Variants in PRR16 observed in about 807,000 individuals in gnomAD.
PRR16 encodes the protein proline rich 16, also known as protein Largen.
PRR16 carries 6 observed loss-of-function variants against 18.2 expected under a neutral mutation model. The observed-to-expected ratio is 0.33, with a 90% CI of 0.18 to 0.65. The LOEUF (loss-of-function observed/expected upper bound fraction) is 0.65. Ranked by LOEUF, PRR16 falls within the 30% of genes least tolerant of loss-of-function variation. The probability of loss-of-function intolerance (pLI) is 0.74; values close to 1 mark genes in which losing one functional copy is unlikely to be tolerated. For missense variants in PRR16, 412 were observed against 376.6 expected (o/e 1.09, Z -0.78); for synonymous variants, 151 against 147.8 (o/e 1.02, Z -0.16).
intron 1 of PRR16, among the ~76,000 whole-genome samples, chr5:120,490,186 T>G (rs1230736793): frequency 6.6e-6 from 1 of 152,312 alleles, no homozygotes; most frequent in African/African-American, 2.4e-5. Flanking sequence ...TGCCTGAATC[T>G]GAACGTTGGC....
intron 1 of PRR16, among the ~76,000 whole-genome samples, chr5:120,550,801 A>G (rs1417606014): frequency 5.3e-5 from 8 of 152,022 alleles, no homozygotes; most frequent in Non-Finnish European, 7.4e-5. Context: ...CAGTGTGCCT[A>G]AAGCAGGGAA....
chr5:120,537,625 A>G (rs1167907166), intron 1 of PRR16, among the ~76,000 whole-genome samples: 1 of 148,168 alleles, frequency 6.7e-6, no homozygotes, highest in Non-Finnish European at 1.5e-5. Context: ...GCAAGATTAC[A>G]GAATTACCTT....
intron 1 of PRR16, among the ~76,000 whole-genome samples, chr5:120,676,003 CT>C (rs1455209080): frequency 3.9e-5 from 6 of 152,108 alleles, no homozygotes; most frequent in Non-Finnish European, 8.8e-5. Context: ...CCACCTTACT[CT>C]ATTTCCAAAA....
chr5:120,678,605 G>C (rs1756879599), intron 1 of PRR16, among the ~76,000 whole-genome samples: 1 of 152,126 alleles, frequency 6.6e-6, no homozygotes, highest in Non-Finnish European at 1.5e-5. Context: ...AGCAGAGTAG[G>C]AGCTTAGGAA....
chr5:120,575,318 AACACAC>A (rs3047956), intron 1 of PRR16, among the ~76,000 whole-genome samples: 7 of 138,254 alleles, frequency 5.1e-5, no homozygotes, highest in South Asian at 4.8e-4. Context: ...CAGACAAGGA[AACACAC>A]ACACACACAC....
At chr5:120,500,044 G>A (rs1163221328) in intron 1 of PRR16, among the ~76,000 whole-genome samples, 2 of 151,356 alleles carry the variant, frequency 1.3e-5, no homozygotes, top group Admixed American at 1.3e-4. Context: ...CTGATACCAT[G>A]CCAATGTGGA....
the PRR16 span, among the ~76,000 whole-genome samples, chr5:120,747,251 T>C: frequency 1.3e-5 from 2 of 152,188 alleles, no homozygotes; most frequent in Non-Finnish European, 2.9e-5. Flanking sequence ...TGAGGAGATT[T>C]ACGTTTAACA....
intron 1 of PRR16, among the ~76,000 whole-genome samples, chr5:120,546,392 C>T (rs1445969113): frequency 2.0e-5 from 3 of 152,078 alleles, no homozygotes; most frequent in Non-Finnish European, 4.4e-5. Flanking sequence ...CACTCAAAGT[C>T]TCTCCCCAGT....
At chr5:120,492,825 C>A (rs1306925553) in intron 1 of PRR16, among the ~76,000 whole-genome samples, 1 of 152,146 alleles carries the variant, frequency 6.6e-6, no homozygotes, top group East Asian at 1.9e-4. Context: ...GTTTTCCATT[C>A]CTGTGTTAGT....
intron 1 of PRR16, among the ~76,000 whole-genome samples, chr5:120,584,097 C>T (rs1253346609): frequency 2.6e-5 from 4 of 151,776 alleles, no homozygotes; most frequent in East Asian, 3.9e-4. Flanking sequence ...GTCTTCTAGG[C>T]GAAGGGAAGC....
At chr5:120,654,400 A>C (rs1755896778) in intron 1 of PRR16, among the ~76,000 whole-genome samples, 1 of 152,022 alleles carries the variant, frequency 6.6e-6, no homozygotes, top group Admixed American at 6.6e-5. Flanking sequence ...TTACTAGGAG[A>C]AGACAAAATT....
chr5:120,789,391 G>A, the PRR16 span, among the ~76,000 whole-genome samples: 1 of 152,018 alleles, frequency 6.6e-6, no homozygotes, highest in Non-Finnish European at 1.5e-5. Flanking sequence ...ATATTTTAAT[G>A]TACTTATTTA....
At chr5:120,790,441 T>C in the PRR16 span, 1 of 152,200 alleles carries the variant, frequency 6.6e-6, no homozygotes, top group African/African-American at 2.4e-5. Context: ...GAATTACACA[T>C]CATTTCAAAA....
At chr5:120,764,777 T>A in the PRR16 span, among the ~76,000 whole-genome samples, 1 of 152,116 alleles carries the variant, frequency 6.6e-6, no homozygotes, top group Admixed American at 6.6e-5. Flanking sequence ...TCAAAGGTAT[T>A]TCATTTCGTA....
At chr5:120,694,295 A>C in the PRR16 span, among the ~76,000 whole-genome samples, 1 of 152,232 alleles carries the variant, frequency 6.6e-6, no homozygotes, top group African/African-American at 2.4e-5. Context: ...TTATCAGGTA[A>C]GCCTAATAAT....
intron 1 of PRR16, among the ~76,000 whole-genome samples, chr5:120,567,872 G>C (rs879515793): frequency 6.6e-6 from 1 of 152,096 alleles, no homozygotes; most frequent in Non-Finnish European, 1.5e-5. Flanking sequence ...CTTTATAGCA[G>C]TGTGAGAACA....
intron 1 of PRR16, among the ~76,000 whole-genome samples, chr5:120,495,033 T>C (rs892560573): frequency 6.6e-6 from 1 of 152,150 alleles, no homozygotes; most frequent in African/African-American, 2.4e-5. Context: ...CTTCCCACTA[T>C]ATTCTTTTTC....
At chr5:120,688,862 G>A (rs529992877), downstream of PRR16, among the ~76,000 whole-genome samples, 1 of 152,162 alleles carries the variant, frequency 6.6e-6, no homozygotes, top group Non-Finnish European at 1.5e-5. Context: ...AGCTGGTTGA[G>A]TAAGGATATT....
At chr5:120,673,988 T>G (rs968556469) in intron 1 of PRR16, among the ~76,000 whole-genome samples, 1 of 151,500 alleles carries the variant, frequency 6.6e-6, no homozygotes, top group African/African-American at 2.4e-5. Context: ...AACATGTGCA[T>G]TCATCTACAG....
Sources: gnomAD v4.1 joint callset for allele counts (sites outside exome capture counted in the v4.1 genomes callset) on GRCh38, gnomAD v4.1.1 for gene constraint, MANE v1.5 for transcripts, NCBI Gene and HGNC (gene_info 2026-07-23, HGNC 2026-07-21) for gene names.